PPP1R21: variants seen among roughly 807,000 people sequenced by gnomAD.
PPP1R21 encodes KLRAQ motif containing 1.
A neutral mutation model predicts 112.8 loss-of-function variants in PPP1R21; 85 were observed. That is an observed-to-expected ratio of 0.75 (90% CI 0.63 to 0.90). PPP1R21 has a LOEUF of 0.90. Ranked by LOEUF, PPP1R21 falls within the 40% of genes least tolerant of loss-of-function variation. The probability of loss-of-function intolerance (pLI) is 0.00; values close to 1 mark genes in which losing one functional copy is unlikely to be tolerated. For synonymous variants in PPP1R21, 381 were observed against 322.3 expected (o/e 1.18, Z -1.95); for missense variants, 1,199 against 901.5 (o/e 1.33, Z -4.23).
At position 48,512,558 on chromosome 2, in the gene PPP1R21, G is replaced by C. The variant is rs186702954; in HGVS notation, c.2313+1090G>C. Among the ~76,000 whole-genome samples the C allele has an allele frequency of 1.2e-4, 19 of 152,174 alleles. No individual in the cohort carries two copies. The East Asian group carries it at 3.7e-3, about 29-fold the overall frequency. On this transcript the variant is annotated intron_variant, in intron 21 of 21. Transcript: ENST00000294952. ...AAACCATGGCTTTATTTTAGCATCTGCTGTTGGTGTTAAGGACAGGATTCT... is the reference window on the plus strand; with the variant it reads ...AAACCATGGCTTTATTTTAGCATCTCCTGTTGGTGTTAAGGACAGGATTCT...
intron 17 of PPP1R21, among the ~76,000 whole-genome samples, chr2:48,503,984 A>G (rs749726715): frequency 4.6e-5 from 7 of 150,710 alleles, no homozygotes; most frequent in Non-Finnish European, 8.9e-5. Context: ...CCTTGCATTT[A>G]TACAGTACCA....
intron 20 of PPP1R21, 132 bp downstream of exon 20, chr2:48,510,245 T>G (rs1670576572): frequency 1.8e-6 from 1 of 570,678 alleles, no homozygotes; most frequent in Non-Finnish European, 3.0e-6. Flanking sequence ...TATTTCTGAT[T>G]CATTTAAAAA....
rs762811938 is a variant in PPP1R21 at position 48,502,676 on chromosome 2, C to CTTTTTTTT, written c.1936-2873_1936-2866dup. On this transcript the variant is annotated intron_variant, in intron 17 of 21. Transcript: ENST00000294952. ...AAAGTAACCTCAGATAGAAACTTTT[C>CTTTTTTTT]TTTTTTTTTTTTTTTTTTTTTTGAG... Among the ~76,000 whole-genome samples, 92 of 94,026 alleles carry CTTTTTTTT rather than the reference C, an allele frequency of 9.8e-4. 2 individuals are homozygous for CTTTTTTTT. Among genetic ancestry groups the CTTTTTTTT allele is most frequent in the African/African-American group, 2.9e-3 (71 of 24,816 alleles). The allele number at this position is 94,026 out of a possible 152,430, so 61.7% of individuals were successfully genotyped here.
At chr2:48,507,150 G>T (rs1670418864) in intron 18 of PPP1R21, 119 bp from the exon 19 acceptor site, 2 of 1,346,126 alleles carry the variant, frequency 1.5e-6, no homozygotes, top group East Asian at 5.9e-5. Context: ...GGAAAACAGT[G>T]ATTCCCCATC....
chr2:48,510,796 G>C (rs112090372), intron 20 of PPP1R21, among the ~76,000 whole-genome samples: 18 of 152,238 alleles, frequency 1.2e-4, no homozygotes, highest in African/African-American at 4.1e-4. Context: ...CTATGGCTCA[G>C]CAAAACCTGA....
rs574234174 is a variant in PPP1R21 at position 48,447,820 on chromosome 2, C to T, written c.58-3188C>T. Among the ~76,000 whole-genome samples the T allele has an allele frequency of 3.2e-4, 49 of 152,110 alleles. 1 individual carries two copies. Among genetic ancestry groups the T allele is most frequent in the African/African-American group, 1.2e-3 (48 of 41,488 alleles). On this transcript the variant is annotated intron_variant, in intron 1 of 21. Transcript: ENST00000294952. ...AAAAAATTAGCCGGGCGTGGTGGCA[C>T]GTGCCTATAATCCCAGCTTCTTGGG...
chr2:48,470,329 C>T (rs1159513451), intron 9 of PPP1R21, among the ~76,000 whole-genome samples: 2 of 151,864 alleles, frequency 1.3e-5, no homozygotes, highest in Non-Finnish European at 2.9e-5. Context: ...ACCAGCCTGG[C>T]CAACATGGTG....
intron 11 of PPP1R21, among the ~76,000 whole-genome samples, chr2:48,473,697 G>C (rs1478750560): frequency 6.6e-6 from 1 of 152,112 alleles, no homozygotes; most frequent in Non-Finnish European, 1.5e-5. Context: ...AATGGAGAGA[G>C]AATGGAAATG....
intron 15 of PPP1R21, among the ~76,000 whole-genome samples, chr2:48,494,406 T>G (rs1264373952): frequency 8.3e-6 from 1 of 119,912 alleles, no homozygotes; most frequent in Non-Finnish European, 1.7e-5. Context: ...ATAAAGCCTA[T>G]TTTATTTTAT....
chr2:48,458,190 A>G lies in PPP1R21; in HGVS notation c.338A>G (p.Gln113Arg). 2 of 1,612,290 alleles carry G rather than the reference A, an allele frequency of 1.2e-6. No homozygotes were observed. The highest frequency in any genetic ancestry group is 1.7e-6 in the Non-Finnish European group (2 of 1,178,776). Residue 113 changes from glutamine (Q) to arginine (R), a missense_variant, in exon 4 of 22, where the codon CAA becomes CGA. Gln to Arg is a conservative substitution (Grantham distance 43, BLOSUM62 1). Coordinates refer to ENST00000294952, the MANE Select transcript of PPP1R21 (RefSeq NM_001135629.3). ...AAGAGTGTCTTTGATGAAGATCTGC[A>G]AAAGAAGATAGAAGAGAATGAACGG... ...EQKSVFDEDLQKKIEENERLH... is the reference protein window; with the variant it reads ...EQKSVFDEDLRKKIEENERLH...
intron 7 of PPP1R21, among the ~76,000 whole-genome samples, chr2:48,463,081 A>G (rs1487389575): frequency 5.9e-5 from 9 of 152,232 alleles, no homozygotes; most frequent in Non-Finnish European, 7.3e-5. Context: ...AGATGGGTTC[A>G]TATGTATCTA....
chr2:48,479,243 C>A (rs1400786187), intron 12 of PPP1R21, among the ~76,000 whole-genome samples: 1 of 152,178 alleles, frequency 6.6e-6, no homozygotes, highest in Admixed American at 6.5e-5. Flanking sequence ...GAGGAGAAAT[C>A]CAGACCTCTT....
intron 21 of PPP1R21, among the ~76,000 whole-genome samples, chr2:48,513,506 A>G (rs1401188768): frequency 6.6e-6 from 1 of 152,012 alleles, no homozygotes; most frequent in East Asian, 1.9e-4. Context: ...CACAGCACAC[A>G]GCATTTTAGA....
In PPP1R21 at chr2:48,503,064, A is replaced by G. The variant is rs568352634; in HGVS notation, c.1936-2500A>G. 3.9e-5 allele frequency among the ~76,000 whole-genome samples: 6 copies of G among 152,320 alleles called. No individual in the cohort carries two copies. The South Asian group carries it at 1.2e-3, about 32-fold the overall frequency. On this transcript the variant is annotated intron_variant, in intron 17 of 21. Transcript: ENST00000294952. ...AGATACCTAGTATTATAATTTGAAT[A>G]TTCAGCCACCTATTATATATTATAA...
intron 1 of PPP1R21, among the ~76,000 whole-genome samples, chr2:48,447,391 C>T (rs1043905886): frequency 1.3e-5 from 2 of 152,180 alleles, no homozygotes; most frequent in African/African-American, 2.4e-5. Context: ...TTCAGAGGTA[C>T]TCTTCCCCCA....
chr2:48,485,689 C>G (rs1324875678), intron 13 of PPP1R21, among the ~76,000 whole-genome samples: 2 of 151,528 alleles, frequency 1.3e-5, no homozygotes, highest in African/African-American at 4.8e-5. Flanking sequence ...ATGATCACTT[C>G]AGGTTAAATC....
chr2:48,456,252 C>CTTTTTT (rs778594245), intron 3 of PPP1R21, among the ~76,000 whole-genome samples: 27 of 130,378 alleles, frequency 2.1e-4, no homozygotes, highest in African/African-American at 7.7e-4. Context: ...GATTGCTGCT[C>CTTTTTT]TTTTTTTTTT....
chr2:48,494,557 A>G (rs1669731265), intron 15 of PPP1R21, among the ~76,000 whole-genome samples: 1 of 148,856 alleles, frequency 6.7e-6, no homozygotes, highest in South Asian at 2.1e-4. Context: ...CTCCCACAGG[A>G]TCCTGCCACC....
intron 2 of PPP1R21, among the ~76,000 whole-genome samples, chr2:48,453,269 A>T (rs925334362): frequency 1.3e-5 from 2 of 152,046 alleles, no homozygotes; most frequent in South Asian, 4.2e-4. Context: ...TGCTGTTTCA[A>T]TACAGTTAAA....
Sources: gnomAD v4.1 joint callset for allele counts (sites outside exome capture counted in the v4.1 genomes callset) on GRCh38, gnomAD v4.1.1 for gene constraint, MANE v1.5 for transcripts, NCBI Gene and HGNC (gene_info 2026-07-23, HGNC 2026-07-21) for gene names.